The following CEP63 variants were observed in gnomAD, a reference collection of about 807,000 sequenced individuals.
The protein encoded by CEP63 is centrosomal protein of 63 kDa.
A neutral mutation model predicts 89.1 loss-of-function variants in CEP63; 84 were observed. That is an observed-to-expected ratio of 0.94 (90% CI 0.79 to 1.13). The LOEUF (loss-of-function observed/expected upper bound fraction) is 1.13, where lower values mean the gene tolerates loss of function less well. Among genes scored for constraint, CEP63 ranks in the 50% most tolerant of loss-of-function variants. The probability of loss-of-function intolerance (pLI) is 0.00; values close to 1 mark genes in which losing one functional copy is unlikely to be tolerated. For missense variants in CEP63, 838 were observed against 813.3 expected (o/e 1.03, Z -0.37); for synonymous variants, 267 against 272.5 (o/e 0.98, Z 0.20).
chr3:134,545,409 C>T (rs887941362), intron 6 of CEP63, among the ~76,000 whole-genome samples, 177 bp from the exon 7 acceptor site: 12 of 151,986 alleles, frequency 7.9e-5, no homozygotes, highest in Admixed American at 2.6e-4. Flanking sequence ...GGATTACAGG[C>T]GTGAGCCACC....
the CEP63 span, among the ~76,000 whole-genome samples, chr3:134,649,792 A>T: frequency 0.83 from 126,605 of 152,246 alleles, 53,828 homozygotes; most frequent in Non-Finnish European, 0.91. Context: ...AGCATTACTT[A>T]AGCAAGGCAG....
the CEP63 span, among the ~76,000 whole-genome samples, chr3:134,685,572 T>A: frequency 7.2e-6 from 1 of 139,150 alleles, no homozygotes; most frequent in Non-Finnish European, 1.6e-5. Context: ...TTCTGAAGAA[T>A]GTCCTGGTTT....
the CEP63 span, chr3:134,603,534 G>A: frequency 6.6e-7 from 1 of 1,518,980 alleles, no homozygotes; most frequent in Non-Finnish European, 8.9e-7. Context: ...TCCCTGGGGA[G>A]GTCTGGCCTT....
the CEP63 span, among the ~76,000 whole-genome samples, chr3:134,745,068 C>G: frequency 6.6e-6 from 1 of 152,212 alleles, no homozygotes; most frequent in African/African-American, 2.4e-5. Flanking sequence ...CCTCCTGTCC[C>G]TTTGTAATTC....
At chr3:134,656,049 C>A in the CEP63 span, among the ~76,000 whole-genome samples, 1 of 152,182 alleles carries the variant, frequency 6.6e-6, no homozygotes, top group Non-Finnish European at 1.5e-5. Context: ...GAGCTTTCCA[C>A]CTCTGCTAGG....
the CEP63 span, among the ~76,000 whole-genome samples, chr3:134,613,566 T>C: frequency 5.9e-5 from 9 of 152,188 alleles, 1 homozygote; most frequent in Admixed American, 3.9e-4. Context: ...GAGAGAAATG[T>C]TGGCATTAAA....
the CEP63 span, among the ~76,000 whole-genome samples, chr3:134,732,084 G>T: frequency 6.6e-6 from 1 of 152,022 alleles, no homozygotes; most frequent in East Asian, 1.9e-4. Flanking sequence ...AGTTAGAGAA[G>T]AAAAATACTG....
At chr3:134,694,857 CAGAT>C in the CEP63 span, among the ~76,000 whole-genome samples, 1 of 152,164 alleles carries the variant, frequency 6.6e-6, no homozygotes, top group Admixed American at 6.5e-5. Flanking sequence ...TTGGTTGCCA[CAGAT>C]AGAGAACCAA....
the CEP63 span, among the ~76,000 whole-genome samples, chr3:134,687,486 G>T: frequency 1.3e-5 from 2 of 152,090 alleles, no homozygotes; most frequent in African/African-American, 4.8e-5. Flanking sequence ...TTCTCCAGTG[G>T]TTATCTCTGT....
the CEP63 span, among the ~76,000 whole-genome samples, chr3:134,662,677 G>A: frequency 3.3e-5 from 5 of 152,200 alleles, no homozygotes; most frequent in African/African-American, 1.2e-4. Context: ...TGCTAATACA[G>A]AGCATCAGAG....
chr3:134,630,184 A>G, the CEP63 span, among the ~76,000 whole-genome samples: 1 of 152,186 alleles, frequency 6.6e-6, no homozygotes. Context: ...GAGAAAGGGA[A>G]CCCCTAAGAG....
chr3:134,689,447 T>TATC, the CEP63 span, among the ~76,000 whole-genome samples: 1 of 151,042 alleles, frequency 6.6e-6, no homozygotes, highest in South Asian at 2.1e-4. Context: ...CCTTATTTAT[T>TATC]ATTATTATTA....
At chr3:134,653,022 C>A in the CEP63 span, among the ~76,000 whole-genome samples, 1 of 152,174 alleles carries the variant, frequency 6.6e-6, no homozygotes, top group Non-Finnish European at 1.5e-5. Context: ...CTCTGGTGCC[C>A]CCTCCCAGAA....
chr3:134,623,229 C>T, the CEP63 span, among the ~76,000 whole-genome samples: 1 of 152,194 alleles, frequency 6.6e-6, no homozygotes, highest in Non-Finnish European at 1.5e-5. Context: ...CTCTGGCCTC[C>T]GCTGGCTTCC....
chr3:134,559,546 C>T (rs1006571592), intron 14 of CEP63, 117 bp downstream of exon 14: 106 of 848,848 alleles, frequency 1.2e-4, no homozygotes, highest in Middle Eastern at 3.4e-4. Flanking sequence ...ATCATAAGTA[C>T]TCTTCATTAT....
At chr3:134,555,891 A>G (rs1192194720) in intron 12 of CEP63, among the ~76,000 whole-genome samples, 6 of 152,104 alleles carry the variant, frequency 3.9e-5, no homozygotes, top group Admixed American at 3.3e-4. Flanking sequence ...AGGCTACAGT[A>G]ACCAAAACAG....
intron 9 of CEP63, 138 bp downstream of exon 9, chr3:134,547,610 A>ATTTATTTT: frequency 4.4e-6 from 1 of 226,804 alleles, no homozygotes; most frequent in Admixed American, 1.4e-4. Context: ...CTAAGTTCTT[A>ATTTATTTT]TTTCTTTTTT....
upstream of CEP63, chr3:134,485,997 C>T: frequency 1.0e-6 from 1 of 980,848 alleles, no homozygotes; most frequent in Non-Finnish European, 1.2e-6. Context: ...CCACGCCCCC[C>T]CCCCCTCCCC....
chr3:134,587,599 G>A (rs1958512030), exon 11 of CEP63, among the ~76,000 whole-genome samples: 1 of 152,118 alleles, frequency 6.6e-6, no homozygotes, highest in Admixed American at 6.5e-5. Context: ...CTGCCTGTAT[G>A]AGGTGTCTGT....
Sources: allele counts gnomAD v4.1 joint callset (sites outside exome capture counted in the v4.1 genomes callset), GRCh38; gene constraint gnomAD v4.1.1; transcripts MANE v1.5; gene names NCBI Gene and HGNC (gene_info 2026-07-23, HGNC 2026-07-21).